PTPRO: variants seen among roughly 807,000 people sequenced by gnomAD.
PTPRO encodes receptor-type tyrosine-protein phosphatase O.
PTPRO carries 62 observed loss-of-function variants against 145.2 expected under a neutral mutation model. That is an observed-to-expected ratio of 0.43 (90% CI 0.35 to 0.53). PTPRO has a LOEUF of 0.53. Among genes scored for constraint, PTPRO ranks in the 20% least tolerant of loss-of-function variants. PTPRO has a pLI of 0.01. For missense variants in PTPRO, 1,345 were observed against 1,482.7 expected (o/e 0.91, Z 1.53); for synonymous variants, 565 against 514.7 (o/e 1.10, Z -1.32).
chr12:15,472,158 C>T (rs376761407), intron 1 of PTPRO, among the ~76,000 whole-genome samples: 45 of 152,210 alleles, frequency 3.0e-4, no homozygotes, highest in African/African-American at 1.1e-3. Context: ...TATTGGGTTG[C>T]CAGCTGGAGC....
At chr12:15,512,028 A>G (rs1291587016) in intron 7 of PTPRO, among the ~76,000 whole-genome samples, 1 of 152,184 alleles carries the variant, frequency 6.6e-6, no homozygotes, top group African/African-American at 2.4e-5. Context: ...AAAATGGGTG[A>G]TTAATGAGCT....
chr12:15,499,544 C>T lies in PTPRO; in HGVS notation c.611C>T (p.Thr204Ile), dbSNP rs376215119. The T allele has an allele frequency of 6.2e-7, 1 of 1,613,670 alleles. No homozygotes were observed. Among genetic ancestry groups the T allele is most frequent in the African/African-American group, 1.3e-5 (1 of 74,910 alleles). ...TCTGAGGCAACTTTTAATAAAAGTACCCTTGTTGAGTACAGTGGTGTCAGT... is the reference window on the plus strand; with the variant it reads ...TCTGAGGCAACTTTTAATAAAAGTATCCTTGTTGAGTACAGTGGTGTCAGT... ...LVSEATFNKS[T>I]LVEYSGVSHE... Residue 204 changes from threonine (T) to isoleucine (I), a missense_variant, in exon 4 of 27, where the codon ACC (threonine) becomes ATC (isoleucine). Coordinates refer to ENST00000281171, the MANE Select transcript of PTPRO (RefSeq NM_030667.3).
chr12:15,519,072 AAAG>A (rs1942657669), intron 9 of PTPRO, among the ~76,000 whole-genome samples: 1 of 152,194 alleles, frequency 6.6e-6, no homozygotes, highest in South Asian at 2.1e-4. Flanking sequence ...GCAATTTACA[AAAG>A]AAGGAGGTTT....
In PTPRO at chr12:15,526,142, G is replaced by A; in HGVS notation, c.2044G>A (p.Val682Ile). 1 of 1,613,908 alleles carries A rather than the reference G, an allele frequency of 6.2e-7. No homozygotes were observed. Among genetic ancestry groups the A allele is most frequent in the Non-Finnish European group, 8.5e-7 (1 of 1,179,898 alleles). The part of the protein sequence containing the change: ...AEGKKKIKKS[V>I]TRNVMTAILS... ...ACCCTTGATTTTGATGATCTTGCAG[G>A]TAACACGCAATGTCATGACTGCAAT... Residue 682 changes from valine (V) to isoleucine (I), a missense_variant and splice_region_variant, in exon 12 of 27, where the codon GTA becomes ATA. By Grantham distance (29) the Val-to-Ile change is conservative. Coordinates refer to ENST00000281171, the MANE Select transcript of PTPRO (RefSeq NM_030667.3).
intron 1 of PTPRO, among the ~76,000 whole-genome samples, chr12:15,408,245 A>T (rs1036669023): frequency 6.6e-6 from 1 of 152,156 alleles, no homozygotes; most frequent in Non-Finnish European, 1.5e-5. Context: ...AAAAAGAAAG[A>T]TAAATTCAGT....
At chr12:15,346,418 A>C (rs1472021822) in intron 1 of PTPRO, 2 of 152,180 alleles carry the variant, frequency 1.3e-5, no homozygotes, top group Non-Finnish European at 2.9e-5. Flanking sequence ...CATCATCTTT[A>C]TATGTGGATA....
intron 13 of PTPRO, among the ~76,000 whole-genome samples, chr12:15,547,298 CAG>C (rs1943319832): frequency 6.6e-6 from 1 of 152,208 alleles, no homozygotes; most frequent in South Asian, 2.1e-4. Flanking sequence ...ATACGATAAA[CAG>C]AGTTATTCAC....
intron 1 of PTPRO, among the ~76,000 whole-genome samples, chr12:15,423,015 T>C (rs985262993): frequency 6.6e-6 from 1 of 152,228 alleles, no homozygotes; most frequent in Non-Finnish European, 1.5e-5. Flanking sequence ...AGGGAATTTA[T>C]GTGTTTGTTT....
chr12:15,463,747 A>G (rs1941356222), intron 1 of PTPRO, among the ~76,000 whole-genome samples: 2 of 151,902 alleles, frequency 1.3e-5, no homozygotes, highest in South Asian at 4.2e-4. Context: ...TTCTCTTCCT[A>G]CTAGCTCTCT....
At position 15,322,914 on chromosome 12, in the gene PTPRO, G is replaced by A. The variant is rs2136188753; in HGVS notation, c.75+113G>A. 1.9e-6 allele frequency: 2 copies of A among 1,045,744 alleles called. No individual in the cohort carries two copies. The highest frequency in any genetic ancestry group is 2.7e-5 in the East Asian group (1 of 36,596). The allele number at this position is 1,045,744 out of a possible 1,614,324, so 64.8% of individuals were successfully genotyped here. A position where few individuals can be genotyped will look rare whatever the true frequency, so the allele number is the denominator to read the frequency against. Reference sequence around the variant, plus strand: ...CCCCAGGGCACGATGGCCCAGCCGCGGGAAGCGCCTGCCGTGCAGCCTGGG... The same window carrying A: ...CCCCAGGGCACGATGGCCCAGCCGCAGGAAGCGCCTGCCGTGCAGCCTGGG... On this transcript the variant is annotated intron_variant, in intron 1 of 26. Transcript: ENST00000281171. The surrounding 1 kb of genome is among the most constrained non-coding windows in gnomAD (Gnocchi z 6.3).
intron 10 of PTPRO, among the ~76,000 whole-genome samples, chr12:15,524,573 G>T (rs1942798129): frequency 6.6e-6 from 1 of 152,080 alleles, no homozygotes; most frequent in Non-Finnish European, 1.5e-5. Flanking sequence ...ATATCCTCAG[G>T]TACAGATGGG....
In PTPRO at chr12:15,517,254, T is replaced by C. The variant is rs7138739; in HGVS notation, c.1779+298T>C. Among the ~76,000 whole-genome samples, 64,263 of 151,560 alleles carry C rather than the reference T, an allele frequency of 0.42. 14,029 individuals are homozygous for C. Among genetic ancestry groups the C allele is most frequent in the African/African-American group, 0.52 (21,332 of 41,314 alleles). ...TGGCAGCAAGCAAAGAGAGCTTGTG[T>C]AGGAAAACTCCCTCTTATAATAGCC... On this transcript the variant is annotated intron_variant, in intron 9 of 26. Transcript: ENST00000281171.
chr12:15,549,309 G>C, intron 14 of PTPRO, 83 bp downstream of exon 14: 1 of 1,133,468 alleles, frequency 8.8e-7, no homozygotes, highest in Non-Finnish European at 1.1e-6. Flanking sequence ...ATTCCACCAA[G>C]AAATCCCAAG....
intron 15 of PTPRO, among the ~76,000 whole-genome samples, chr12:15,553,766 A>G (rs1156699706): frequency 6.6e-6 from 1 of 152,226 alleles, no homozygotes; most frequent in African/African-American, 2.4e-5. Context: ...AGACAGGCAT[A>G]TCAACTGTGG....
intron 1 of PTPRO, among the ~76,000 whole-genome samples, chr12:15,361,795 G>A (rs1938218476): frequency 6.6e-6 from 1 of 152,126 alleles, no homozygotes; most frequent in Non-Finnish European, 1.5e-5. Flanking sequence ...TTTCTATTTA[G>A]CCTCTAATAT....
chr12:15,499,732 T>G, intron 4 of PTPRO, 138 bp downstream of exon 4: 1 of 1,020,288 alleles, frequency 9.8e-7, no homozygotes, highest in Admixed American at 2.6e-5. Context: ...TAAAACAGAT[T>G]TTCTATCAAT....
rs138110186 is a variant in PTPRO, at chr12:15,513,071, G to GGAAA, written c.1465-2407_1465-2404dup. ...AGGAAGGAAGGAGAAAGAGAAAGAA[G>GGAAA]GAAAGAAAGAAAGAAAGAAAGAAGA... On this transcript the variant is annotated intron_variant, in intron 7 of 26. Coordinates refer to ENST00000281171, the MANE Select transcript of PTPRO (RefSeq NM_030667.3). 2.9e-3 allele frequency among the ~76,000 whole-genome samples: 156 copies of GGAAA among 52,930 alleles called. 12 individuals are homozygous for GGAAA. Among genetic ancestry groups the GGAAA allele is most frequent in the African/African-American group, 7.8e-3 (120 of 15,310 alleles). The allele number at this position is 52,930 out of a possible 152,430, so 34.7% of individuals were successfully genotyped here.
chr12:15,384,348 G>A (rs115797534), intron 1 of PTPRO, among the ~76,000 whole-genome samples: 2,140 of 152,216 alleles, frequency 0.014, 71 homozygotes, highest in African/African-American at 0.049. Flanking sequence ...GTCTTAGTTA[G>A]TTTGAACTGC....
At chr12:15,437,427 T>G (rs1940629033) in intron 1 of PTPRO, among the ~76,000 whole-genome samples, 1 of 150,846 alleles carries the variant, frequency 6.6e-6, no homozygotes, top group African/African-American at 2.4e-5. Context: ...TCCAAAGATC[T>G]TGGTGCAAGG....
Sources: gnomAD v4.1 joint callset for allele counts (sites outside exome capture counted in the v4.1 genomes callset) on GRCh38, gnomAD v4.1.1 for gene constraint, Gnocchi (gnomAD v3.1) non-coding constraint, MANE v1.5 for transcripts, NCBI Gene and HGNC (gene_info 2026-07-23, HGNC 2026-07-21) for gene names.